Variants in SAMD3 observed in about 807,000 individuals in gnomAD.
SAMD3 encodes sterile alpha motif domain-containing protein 3.
Under a neutral mutation model 58.5 loss-of-function variants are expected in SAMD3, and 63 were observed. The observed-to-expected ratio is 1.08, with a 90% CI of 0.88 to 1.33. The LOEUF is 1.33. Ranked by LOEUF, SAMD3 falls within the 40% of genes most tolerant of loss-of-function variation. The pLI is 0.00. For missense variants in SAMD3, 604 were observed against 608.4 expected (o/e 0.99, Z 0.08); for synonymous variants, 220 against 210.3 (o/e 1.05, Z -0.40).
At chr6:130,228,306 G>A (rs1036464406) in intron 2 of SAMD3, among the ~76,000 whole-genome samples, 1 of 152,192 alleles carries the variant, frequency 6.6e-6, no homozygotes, top group African/African-American at 2.4e-5. Flanking sequence ...GTGTCCAGAG[G>A]CTTCAAGCAG....
Position 130,144,769 on chromosome 6 carries a change from G to A in SAMD3, c.1314C>T (p.Asn438=), listed in dbSNP as rs779507039. 1 of 1,613,764 alleles carries A rather than the reference G, an allele frequency of 6.2e-7. No individual in the cohort carries two copies. Among genetic ancestry groups the A allele is most frequent in the African/African-American group, 1.3e-5 (1 of 74,882 alleles). ...QVSTPVLEVK[N]PFNMEVCEFS... ...ATTCGCAGACCTCCATGTTGAAAGG[G>A]TTTTTAACTTCCAACACAGGTGTGG... Residue 438 remains asparagine, a synonymous_variant, in exon 12 of 12, where the codon AAC becomes AAT. Coordinates refer to ENST00000439090, the MANE Select transcript of SAMD3 (RefSeq NM_001017373.4).
chr6:130,226,193 C>A (rs1289354699), upstream of SAMD3, among the ~76,000 whole-genome samples: 3 of 152,104 alleles, frequency 2.0e-5, no homozygotes, highest in African/African-American at 7.2e-5. Context: ...CTGCTGATCC[C>A]CTGTGTTTCT....
chr6:130,154,714 AAAAAATAT>A (rs55744806), intron 9 of SAMD3, 103 bp downstream of exon 9: 582 of 89,452 alleles, frequency 6.5e-3, no homozygotes, highest in African/African-American at 0.021. Context: ...AAAAAAAAAA[AAAAAATAT>A]ATATATATAT....
chr6:130,347,869 A>G (rs1777505070), intron 1 of SAMD3, among the ~76,000 whole-genome samples: 1 of 152,248 alleles, frequency 6.6e-6, no homozygotes, highest in Non-Finnish European at 1.5e-5. Flanking sequence ...TCAGACTAAC[A>G]ACTGATCTCT....
intron 5 of SAMD3, among the ~76,000 whole-genome samples, chr6:130,198,414 G>T (rs1325964057): frequency 1.3e-5 from 2 of 152,226 alleles, no homozygotes; most frequent in African/African-American, 2.4e-5. Flanking sequence ...TTGCTATGTT[G>T]CCCAGGCTGG....
At chr6:130,361,244 C>T (rs1777981046) in intron 1 of SAMD3, among the ~76,000 whole-genome samples, 1 of 152,052 alleles carries the variant, frequency 6.6e-6, no homozygotes, top group Admixed American at 6.6e-5. Context: ...TAAAGACAGG[C>T]ATAAGAAATT....
intron 8 of SAMD3, chr6:130,160,070 T>C (rs1375209118): frequency 6.6e-6 from 1 of 152,176 alleles, no homozygotes; most frequent in Non-Finnish European, 1.5e-5. Flanking sequence ...TGGCACTGTC[T>C]TACAGAGTTG....
At chr6:130,326,208 C>A (rs781419019) in intron 1 of SAMD3, among the ~76,000 whole-genome samples, 47 of 152,256 alleles carry the variant, frequency 3.1e-4, no homozygotes, top group South Asian at 2.5e-3. Context: ...ATTTGTATGT[C>A]AGCCACCTGC....
At chr6:130,228,961 C>T (rs755657798) in intron 2 of SAMD3, among the ~76,000 whole-genome samples, 6 of 152,090 alleles carry the variant, frequency 3.9e-5, no homozygotes, top group African/African-American at 9.7e-5. Context: ...AAAGCTTGAG[C>T]CTTAAGGGAA....
chr6:130,147,743 G>A (rs1383640911), intron 9 of SAMD3, among the ~76,000 whole-genome samples: 1 of 152,176 alleles, frequency 6.6e-6, no homozygotes, highest in Non-Finnish European at 1.5e-5. Flanking sequence ...AACAGGCCCA[G>A]GATCTAATCC....
chr6:130,306,610 T>C (rs1487374468), intron 2 of SAMD3, among the ~76,000 whole-genome samples: 1 of 152,176 alleles, frequency 6.6e-6, no homozygotes. Context: ...CTCTTGTCAG[T>C]GCCTCACATT....
At chr6:130,317,379 T>G (rs1212308950) in intron 1 of SAMD3, among the ~76,000 whole-genome samples, 2 of 152,220 alleles carry the variant, frequency 1.3e-5, no homozygotes, top group Non-Finnish European at 1.5e-5. Flanking sequence ...TGTTACTTAT[T>G]GTTCTAGGCA....
intron 7 of SAMD3, among the ~76,000 whole-genome samples, chr6:130,177,215 G>A (rs1287151636): frequency 6.6e-6 from 1 of 152,158 alleles, no homozygotes; most frequent in African/African-American, 2.4e-5. Flanking sequence ...TGATGCTGCT[G>A]CTTGCTACTG....
intron 1 of SAMD3, among the ~76,000 whole-genome samples, chr6:130,349,979 T>C (rs1777601380): frequency 6.6e-6 from 1 of 152,224 alleles, no homozygotes; most frequent in African/African-American, 2.4e-5. Flanking sequence ...ACCACATGAT[T>C]ATCTCAATAG....
intron 2 of SAMD3, among the ~76,000 whole-genome samples, chr6:130,305,228 G>C (rs1401167015): frequency 6.6e-6 from 1 of 151,684 alleles, no homozygotes; most frequent in Non-Finnish European, 1.5e-5. Flanking sequence ...ATTTGTTGCT[G>C]GTATATAGAA....
At chr6:130,185,245 G>A (rs1289036374) in intron 5 of SAMD3, among the ~76,000 whole-genome samples, 1 of 152,152 alleles carries the variant, frequency 6.6e-6, no homozygotes. Flanking sequence ...GGATGAGGGT[G>A]GATAAAATGG....
At chr6:130,363,944 A>G (rs1778058099) in intron 1 of SAMD3, among the ~76,000 whole-genome samples, 1 of 152,164 alleles carries the variant, frequency 6.6e-6, no homozygotes, top group Admixed American at 6.5e-5. Flanking sequence ...TCAGATGGGA[A>G]GATATTGGCC....
intron 5 of SAMD3, among the ~76,000 whole-genome samples, chr6:130,194,041 T>C (rs1793836514): frequency 6.6e-6 from 1 of 152,058 alleles, no homozygotes; most frequent in Admixed American, 6.5e-5. Context: ...AGGTCCCAAT[T>C]CTTCCTCAGC....
chr6:130,191,506 G>C (rs1483946818), intron 5 of SAMD3, among the ~76,000 whole-genome samples: 1 of 152,154 alleles, frequency 6.6e-6, no homozygotes, highest in Non-Finnish European at 1.5e-5. Flanking sequence ...TTATCCCCAT[G>C]AAAGTAGATA....
Sources: gnomAD v4.1 joint callset for allele counts (sites outside exome capture counted in the v4.1 genomes callset) on GRCh38, gnomAD v4.1.1 for gene constraint, MANE v1.5 for transcripts, NCBI Gene and HGNC (gene_info 2026-07-23, HGNC 2026-07-21) for gene names.